DLG2: variants seen among roughly 807,000 people sequenced by gnomAD.
DLG2 encodes discs large MAGUK scaffold protein 2, also known as disks large homolog 2.
In DLG2, 45 loss-of-function variants were observed where a neutral mutation model predicts 132.5. The ratio of observed to expected loss-of-function variants is 0.34; its 90% confidence interval spans 0.27 to 0.44. The LOEUF (loss-of-function observed/expected upper bound fraction) is 0.44, where lower values mean the gene tolerates loss of function less well. Ranked by LOEUF, DLG2 falls within the 20% of genes least tolerant of loss-of-function variation. The pLI, the probability that DLG2 is intolerant of heterozygous loss-of-function variation, is 1.00. For synonymous variants in DLG2, 424 were observed against 419.6 expected, an observed-to-expected ratio of 1.01 and a Z score of -0.13; for missense variants, 1,045 against 1,196.9, an observed-to-expected ratio of 0.87 and a Z score of 1.87.
intron 9 of DLG2, among the ~76,000 whole-genome samples, chr11:84,151,306 C>T (rs1194710952): frequency 6.6e-6 from 1 of 151,748 alleles, no homozygotes; most frequent in Non-Finnish European, 1.5e-5. Context: ...AGAAATTTCT[C>T]CATTTTCTCT....
At chr11:83,886,361 A>C (rs560738266) in intron 15 of DLG2, among the ~76,000 whole-genome samples, 1 of 152,352 alleles carries the variant, frequency 6.6e-6, no homozygotes, top group Non-Finnish European at 1.5e-5. Context: ...AGGCCATTAC[A>C]TAATGGTAAA....
chr11:84,343,340 A>G (rs1228268712), intron 7 of DLG2, among the ~76,000 whole-genome samples: 4 of 152,220 alleles, frequency 2.6e-5, no homozygotes, highest in Non-Finnish European at 5.9e-5. Context: ...TATTTATTAC[A>G]AAGTTTATAA....
intron 6 of DLG2, among the ~76,000 whole-genome samples, chr11:84,928,980 GTGTATATATATATATA>G (rs1276036951): frequency 9.9e-5 from 4 of 40,258 alleles, no homozygotes; most frequent in South Asian, 1.2e-3. Context: ...GTGTGTGTGT[GTGTATATATATATATA>G]TATATATATA....
intron 6 of DLG2, among the ~76,000 whole-genome samples, chr11:84,752,137 G>T (rs78018344): frequency 0.072 from 11,008 of 152,240 alleles, 495 homozygotes; most frequent in Non-Finnish European, 0.11. Context: ...GAATCAGGTG[G>T]TTTGTATTCA....
intron 8 of DLG2, among the ~76,000 whole-genome samples, chr11:84,237,214 C>T (rs889985285): frequency 3.3e-5 from 5 of 152,094 alleles, no homozygotes; most frequent in African/African-American, 1.2e-4. Context: ...AGGTGTGAGC[C>T]ACTGTGCCCA....
intron 11 of DLG2, among the ~76,000 whole-genome samples, chr11:83,994,690 GCTAT>G (rs974022799): frequency 6.1e-4 from 93 of 152,082 alleles, no homozygotes; most frequent in African/African-American, 2.1e-3. Flanking sequence ...TCAATTCCAG[GCTAT>G]CTTAGTTTCC....
intron 3 of DLG2, among the ~76,000 whole-genome samples, chr11:85,362,902 T>A (rs1479159489): frequency 6.6e-6 from 1 of 152,186 alleles, no homozygotes; most frequent in South Asian, 2.1e-4. Flanking sequence ...AAGCAAAATT[T>A]TCTCTCTAAA....
rs60839240 is a variant in DLG2 at position 83,723,642 on chromosome 11, G to T, written c.1825+63048C>A. ...GGCCAAGGCAGGTGGATCACCCGAG[G>T]TCAGGAGTTTGAGACCAGCCTGGCC... On this transcript the variant is annotated intron_variant, in intron 18 of 27. Transcript: ENST00000376104. Among the ~76,000 whole-genome samples the T allele has an allele frequency of 7.5e-3, 1,144 of 152,256 alleles. 20 individuals are homozygous for T. Among genetic ancestry groups the T allele is most frequent in the African/African-American group, 0.026 (1,091 of 41,550 alleles).
At chr11:84,802,142 G>A (rs1464872510) in intron 6 of DLG2, among the ~76,000 whole-genome samples, 1 of 150,760 alleles carries the variant, frequency 6.6e-6, no homozygotes, top group Non-Finnish European at 1.5e-5. Flanking sequence ...TTTGGAATCA[G>A]GCAGCCTGGG....
intron 6 of DLG2, among the ~76,000 whole-genome samples, chr11:84,577,773 A>G (rs555395024): frequency 6.6e-6 from 1 of 152,340 alleles, no homozygotes; most frequent in African/African-American, 2.4e-5. Context: ...AGAAATTTGC[A>G]TAACTATGCA....
chr11:84,203,577 G>A (rs1264482204), intron 8 of DLG2, among the ~76,000 whole-genome samples: 14 of 17,628 alleles, frequency 7.9e-4, no homozygotes, highest in African/African-American at 1.1e-3. Flanking sequence ...GCGAGACTCC[G>A]TCTCAAAAAA....
At chr11:84,816,714 A>G (rs1468545669) in intron 6 of DLG2, among the ~76,000 whole-genome samples, 1 of 151,994 alleles carries the variant, frequency 6.6e-6, no homozygotes, top group Non-Finnish European at 1.5e-5. Context: ...TTGCTAGTAA[A>G]TAATGATGCT....
intron 16 of DLG2, among the ~76,000 whole-genome samples, chr11:83,837,771 A>G (rs1217246328): frequency 7.0e-6 from 1 of 143,876 alleles, no homozygotes; most frequent in African/African-American, 2.6e-5. Context: ...AAGTCCTGGG[A>G]ACTCACTACA....
chr11:85,344,751 T>C (rs568241783), intron 3 of DLG2, among the ~76,000 whole-genome samples: 1 of 152,290 alleles, frequency 6.6e-6, no homozygotes, highest in Admixed American at 6.5e-5. Flanking sequence ...TTGATTTGCT[T>C]CTCATTTTTA....
chr11:83,609,905 C>G (rs1305834485), intron 19 of DLG2, among the ~76,000 whole-genome samples: 2 of 152,180 alleles, frequency 1.3e-5, no homozygotes, highest in African/African-American at 4.8e-5. Context: ...TTGGATATCA[C>G]TCTCTCTGTA....
At chr11:84,251,378 C>G in intron 7 of DLG2, 87 bp from the exon 8 acceptor site, 1 of 1,042,530 alleles carries the variant, frequency 9.6e-7, no homozygotes, top group Admixed American at 3.2e-5. Flanking sequence ...ACAAAGAGCT[C>G]AACAGGCATT....
rs117042627 is a variant in DLG2, at chr11:84,503,466, T to C, written c.519+31104A>G. Reference sequence around the variant, plus strand: ...TTAAACTGTTTCTAACACAGCCTGCTAACCAGGACCCCTCAGTCCTCCAGT... The same window carrying C: ...TTAAACTGTTTCTAACACAGCCTGCCAACCAGGACCCCTCAGTCCTCCAGT... On this transcript the variant is annotated intron_variant, in intron 7 of 27. Transcript: ENST00000376104. Among the ~76,000 whole-genome samples the C allele has an allele frequency of 9.8e-5, 15 of 152,318 alleles. 1 individual carries two copies. The East Asian group carries it at 2.7e-3, about 27-fold the overall frequency.
chr11:85,619,707 G>A (rs1322211153), intron 2 of DLG2, among the ~76,000 whole-genome samples: 1 of 151,886 alleles, frequency 6.6e-6, no homozygotes, highest in Admixed American at 6.6e-5. Flanking sequence ...AGTGGCAGGC[G>A]CCTGTAATCC....
At position 84,022,537 on chromosome 11, in the gene DLG2, C is replaced by T. The variant is rs556106114; in HGVS notation, c.919+36778G>A. ...CCAGCCAAACAAAAGGACTCAGCTG[C>T]TAGCAGGAGAGGAAAAACCTCTTCT... On this transcript the variant is annotated intron_variant, in intron 11 of 27. Transcript: ENST00000376104. 3.0e-3 allele frequency among the ~76,000 whole-genome samples: 454 copies of T among 152,274 alleles called. 3 individuals are homozygous for T. The highest frequency in any genetic ancestry group is 6.8e-3 in the Middle Eastern group (2 of 294).
Sources: gnomAD v4.1 joint callset for allele counts (sites outside exome capture counted in the v4.1 genomes callset) on GRCh38, gnomAD v4.1.1 for gene constraint, MANE v1.5 for transcripts, NCBI Gene and HGNC (gene_info 2026-07-23, HGNC 2026-07-21) for gene names.